PPP1R9A: variants seen among roughly 807,000 people sequenced by gnomAD.
PPP1R9A encodes protein phosphatase 1 regulatory subunit 9A.
Under a neutral mutation model 141.9 loss-of-function variants are expected in PPP1R9A, and 59 were observed. That is an observed-to-expected ratio of 0.42 (90% CI 0.34 to 0.52). PPP1R9A has a LOEUF of 0.52. Ranked by LOEUF, PPP1R9A falls within the 20% of genes least tolerant of loss-of-function variation. The pLI, the probability that PPP1R9A is intolerant of heterozygous loss-of-function variation, is 0.10. For missense variants in PPP1R9A, 1,444 were observed against 1,611.9 expected (o/e 0.90, Z 1.78); for synonymous variants, 500 against 569.7 (o/e 0.88, Z 1.74).
At chr7:95,268,887 CTATT>C (rs1279384347) in intron 13 of PPP1R9A, among the ~76,000 whole-genome samples, 180 bp downstream of exon 13, 1 of 152,118 alleles carries the variant, frequency 6.6e-6, no homozygotes, top group African/African-American at 2.4e-5. Context: ...AATATTTTGT[CTATT>C]CATTCAGTGA....
At chr7:94,928,190 A>T (rs1793716808) in intron 2 of PPP1R9A, among the ~76,000 whole-genome samples, 1 of 152,120 alleles carries the variant, frequency 6.6e-6, no homozygotes, top group Non-Finnish European at 1.5e-5. Context: ...AAGCTGAGGG[A>T]AAAGTGTGTT....
At chr7:95,048,281 T>A (rs1810309224) in intron 2 of PPP1R9A, among the ~76,000 whole-genome samples, 7 of 152,144 alleles carry the variant, frequency 4.6e-5, no homozygotes, top group Admixed American at 4.6e-4. Flanking sequence ...AAGTATTCAT[T>A]CAACAAAAAG....
intron 2 of PPP1R9A, among the ~76,000 whole-genome samples, chr7:94,947,901 A>G (rs561113892): frequency 1.6e-4 from 25 of 152,228 alleles, no homozygotes; most frequent in African/African-American, 5.8e-4. Context: ...TAGGATTGAC[A>G]CTTATAGCCA....
At chr7:95,099,284 G>A (rs1437385925) in intron 2 of PPP1R9A, among the ~76,000 whole-genome samples, 1 of 152,180 alleles carries the variant, frequency 6.6e-6, no homozygotes, top group South Asian at 2.1e-4. Flanking sequence ...TGCCAATTGG[G>A]TTAATTAGTT....
intron 6 of PPP1R9A, 99 bp from the exon 7 acceptor site, chr7:95,203,566 A>G: frequency 1.2e-6 from 1 of 842,824 alleles, no homozygotes; most frequent in South Asian, 1.7e-5. Context: ...AGTGTGTATT[A>G]CAGTAAGCAC....
Position 94,954,834 on chromosome 7 carries a change from CGTGTGTGTGTGTGTGT to C in PPP1R9A, c.1395+43341_1395+43356del, listed in dbSNP as rs66968535. Among the ~76,000 whole-genome samples the C allele has an allele frequency of 9.3e-4, 136 of 146,432 alleles. 1 individual carries two copies. The East Asian group carries it at 0.026, about 28-fold the overall frequency. On this transcript the variant is annotated intron_variant, in intron 2 of 19. Transcript: ENST00000433360. ...TTTAGAATATATGTTTGTAAATATG[CGTGTGTGTGTGTGTGT>C]GTGTGTGTGTGTGTATATGTATATG...
At position 95,089,722 on chromosome 7, in the gene PPP1R9A, T is replaced by G. The variant is rs187241532; in HGVS notation, c.1396-21537T>G. 2.0e-3 allele frequency among the ~76,000 whole-genome samples: 122 copies of G among 61,988 alleles called. 3 individuals are homozygous for G. The highest frequency in any genetic ancestry group is 0.019 in the East Asian group (85 of 4,576). 40.7% of individuals were successfully genotyped at this position (61,988 alleles called of 152,430 possible). The stretch of plus-strand genomic sequence containing the variant: ...TGCAACTGTATATTTTAGAAGCTCG[T>G]TTTTTTTTTTCTGAATTAAACTAAC... On this transcript the variant is annotated intron_variant, in intron 2 of 19. Coordinates refer to ENST00000433360, the MANE Select transcript of PPP1R9A (RefSeq NM_001166160.2).
intron 6 of PPP1R9A, among the ~76,000 whole-genome samples, chr7:95,199,163 A>C (rs2152860273): frequency 6.6e-6 from 1 of 152,354 alleles, no homozygotes; most frequent in Non-Finnish European, 1.5e-5. Flanking sequence ...TGTGTGCTGT[A>C]ATATAATACA....
intron 2 of PPP1R9A, among the ~76,000 whole-genome samples, chr7:95,004,321 A>T (rs1351873711): frequency 6.6e-6 from 1 of 152,030 alleles, no homozygotes; most frequent in Non-Finnish European, 1.5e-5. Context: ...TTATTTTAAA[A>T]CAGTATGACG....
In PPP1R9A at chr7:95,049,191, A is replaced by G. The variant is rs556212311; in HGVS notation, c.1396-62068A>G. Among the ~76,000 whole-genome samples, 4 of 152,322 alleles carry G rather than the reference A, an allele frequency of 2.6e-5. No individual in the cohort carries two copies. The East Asian group carries it at 7.7e-4, about 29-fold the overall frequency. On this transcript the variant is annotated intron_variant, in intron 2 of 19. Transcript: ENST00000433360. ...GAGTATGTAGAAGGTCACATGTGGA[A>G]TAAACTTCATCAACAGTCACTTCCA...
chr7:94,978,996 C>T (rs1016234283), intron 2 of PPP1R9A, among the ~76,000 whole-genome samples: 2 of 152,126 alleles, frequency 1.3e-5, no homozygotes, highest in African/African-American at 4.8e-5. Context: ...GGGGTTTTGC[C>T]ATGTTGGCCA....
At chr7:95,040,386 T>C (rs1809057941) in intron 2 of PPP1R9A, among the ~76,000 whole-genome samples, 1 of 151,868 alleles carries the variant, frequency 6.6e-6, no homozygotes, top group East Asian at 1.9e-4. Flanking sequence ...AACGGCTCCA[T>C]GCATGATGAT....
At chr7:94,909,489 A>T (rs913399295) in intron 1 of PPP1R9A, among the ~76,000 whole-genome samples, 5 of 152,216 alleles carry the variant, frequency 3.3e-5, no homozygotes, top group African/African-American at 1.2e-4. Flanking sequence ...CTAATTGTGG[A>T]GAATCCTAAA....
At chr7:94,961,227 C>A (rs1358373) in intron 2 of PPP1R9A, among the ~76,000 whole-genome samples, 2 of 151,590 alleles carry the variant, frequency 1.3e-5, no homozygotes, top group African/African-American at 4.8e-5. Flanking sequence ...ACACATTTGC[C>A]TTAAAAGGGA....
At chr7:95,201,685 G>A (rs1366955190) in intron 6 of PPP1R9A, among the ~76,000 whole-genome samples, 5 of 152,260 alleles carry the variant, frequency 3.3e-5, no homozygotes, top group Admixed American at 3.3e-4. Flanking sequence ...AATGCTCCTT[G>A]AATAATTGAG....
intron 16 of PPP1R9A, among the ~76,000 whole-genome samples, chr7:95,277,443 T>C (rs1803408978): frequency 6.6e-6 from 1 of 152,212 alleles, no homozygotes; most frequent in South Asian, 2.1e-4. Flanking sequence ...TTTGTTTGTT[T>C]GTTTGAGACA....
chr7:94,977,978 G>A (rs2151295225), intron 2 of PPP1R9A, among the ~76,000 whole-genome samples: 1 of 151,810 alleles, frequency 6.6e-6, no homozygotes, highest in African/African-American at 2.4e-5. Context: ...GGCCAGGCTG[G>A]TCTTGAATCC....
intron 2 of PPP1R9A, among the ~76,000 whole-genome samples, chr7:95,061,992 T>C (rs910667766): frequency 6.6e-6 from 1 of 152,190 alleles, no homozygotes; most frequent in African/African-American, 2.4e-5. Context: ...CCCCAAATTC[T>C]TTTTAAATTA....
intron 14 of PPP1R9A, among the ~76,000 whole-genome samples, chr7:95,272,771 T>G (rs1802411901): frequency 6.6e-6 from 1 of 152,160 alleles, no homozygotes; most frequent in Admixed American, 6.5e-5. Context: ...ATGAGCAACA[T>G]TAACCTGCAA....
Sources: gnomAD v4.1 joint callset for allele counts (sites outside exome capture counted in the v4.1 genomes callset) on GRCh38, gnomAD v4.1.1 for gene constraint, MANE v1.5 for transcripts, NCBI Gene and HGNC (gene_info 2026-07-23, HGNC 2026-07-21) for gene names.